Variants in NCAN observed in about 807,000 individuals in gnomAD.
The protein encoded by NCAN is neurocan core protein.
In NCAN, 47 loss-of-function variants were observed where a neutral mutation model predicts 121.8. The ratio of observed to expected loss-of-function variants is 0.39; its 90% CI spans 0.31 to 0.49. The LOEUF (loss-of-function observed/expected upper bound fraction) is 0.49, where lower values mean the gene tolerates loss of function less well. NCAN is among the 20% of genes least tolerant of loss of function. NCAN has a pLI of 0.92. For synonymous variants in NCAN, 633 were observed against 702.0 expected (o/e 0.90, Z 1.55); for missense variants, 1,517 against 1,773.4 (o/e 0.86, Z 2.60).
At position 19,226,972 on chromosome 19, in the gene NCAN, T is replaced by C; in HGVS notation, c.1559T>C (p.Met520Thr). Residue 520 changes from methionine (M) to threonine (T), a missense_variant, in exon 7 of 15, where the codon ATG (methionine) becomes ACG (threonine). By Grantham distance (81) the Met-to-Thr change is moderately conservative (BLOSUM62 -1). Transcript: ENST00000252575. The part of the protein sequence containing the change: ...PPTSEAAVNQ[M>T]EPPLAMAVTE... ...ACCTCAGAGGCTGCAGTGAACCAAA[T>C]GGAGCCTCCGTTGGCCATGGCAGTC... The C allele has an allele frequency of 1.3e-6, 2 of 1,544,546 alleles. No homozygotes were observed. The highest frequency in any genetic ancestry group is 1.7e-6 in the Non-Finnish European group (2 of 1,146,500).
chr19:19,230,114 G>C (rs1267579130), intron 8 of NCAN, among the ~76,000 whole-genome samples: 2 of 150,404 alleles, frequency 1.3e-5, no homozygotes, highest in East Asian at 3.9e-4. Flanking sequence ...GTGTGATCTC[G>C]GCGCACTGCA....
chr19:19,227,162 G>A lies in NCAN; in HGVS notation c.1660+89G>A. On this transcript the variant is annotated intron_variant, in intron 7 of 14. Coordinates refer to ENST00000252575, the MANE Select transcript of NCAN (RefSeq NM_004386.3). This position sits in a 1 kb window ranked among gnomAD's most constrained non-coding sequence, Gnocchi z 4.2. Reference sequence around the variant, plus strand: ...CATGGCTACACTCAGAATGAGGGAGGAAGCTCCAAATCCCAGCTGGGTCCT... The same window carrying A: ...CATGGCTACACTCAGAATGAGGGAGAAAGCTCCAAATCCCAGCTGGGTCCT... 1 of 1,490,756 alleles carries A rather than the reference G, an allele frequency of 6.7e-7. No individual in the cohort carries two copies. The highest frequency in any genetic ancestry group is 8.9e-7 in the Non-Finnish European group (1 of 1,121,714). 92.3% of individuals were successfully genotyped at this position (1,490,756 alleles called of 1,614,324 possible).
chr19:19,240,461 T>G (rs1017678964), intron 11 of NCAN, 142 bp from the exon 12 acceptor site: 16 of 722,088 alleles, frequency 2.2e-5, no homozygotes, highest in Non-Finnish European at 2.9e-5. Flanking sequence ...TCTAGATCTT[T>G]CCCCCCACCC....
rs1178945644 is a variant in NCAN, at chr19:19,227,353, G to A, written c.1733G>A (p.Gly578Asp). The change falls in exon 8 of 15, where the codon GGC becomes GAC. Residue 578 changes from glycine to aspartate, a missense_variant. Physicochemically the swap from Gly to Asp is moderately conservative, Grantham distance 94. Coordinates refer to ENST00000252575, the MANE Select transcript of NCAN (RefSeq NM_004386.3). This position sits in a 1 kb window ranked among gnomAD's most constrained non-coding sequence, Gnocchi z 4.2. ...PPTMVPPSIS[G>D]HSRAPVLELE... ...ACCATGGTCCCACCCAGCATCTCAG[G>A]CCACAGCAGGGCCCCTGTCCTGGAG... 6 of 1,612,704 alleles carry A rather than the reference G, an allele frequency of 3.7e-6. No individual in the cohort carries two copies. The highest frequency in any genetic ancestry group is 3.3e-5 in the Admixed American group (2 of 59,894).
At position 19,245,474 on chromosome 19, in the gene NCAN, GCTT is replaced by G; in HGVS notation, c.3637+21_3637+23del. ...AGGGCACAGGTATGCTGTGCCCCCT[GCTT>G]CTTTTCCTCTCTGTCACTTTTGCTC... On this transcript the variant is annotated intron_variant, in intron 13 of 14. Transcript: ENST00000252575. 1 of 1,607,764 alleles carries G rather than the reference GCTT, an allele frequency of 6.2e-7. No homozygotes were observed. The highest frequency in any genetic ancestry group is 8.5e-7 in the Non-Finnish European group (1 of 1,176,196).
intron 12 of NCAN, among the ~76,000 whole-genome samples, chr19:19,244,088 A>G (rs1200133442): frequency 1.3e-5 from 2 of 152,200 alleles, no homozygotes; most frequent in Non-Finnish European, 2.9e-5. Context: ...ATTTTGCGCT[A>G]TATATATTTT....
chr19:19,248,612 G>A (rs530773086), intron 13 of NCAN, 88 bp from the exon 14 acceptor site: 8 of 1,376,616 alleles, frequency 5.8e-6, no homozygotes, highest in African/African-American at 1.4e-5. Context: ...GTGACAGAGC[G>A]AAACTCTGTC....
chr19:19,237,281 G>C (rs1297829875), intron 10 of NCAN, among the ~76,000 whole-genome samples: 2 of 152,032 alleles, frequency 1.3e-5, no homozygotes, highest in African/African-American at 2.4e-5. Flanking sequence ...GATCATGTCA[G>C]GAGATCAAGA....
At chr19:19,232,402 T>G (rs1245566608) in intron 8 of NCAN, among the ~76,000 whole-genome samples, 1 of 152,234 alleles carries the variant, frequency 6.6e-6, no homozygotes, top group East Asian at 1.9e-4. Context: ...GGCTCATGTG[T>G]CCCGCCGCCT....
chr19:19,226,788 G>C lies in NCAN; in HGVS notation c.1375G>C (p.Gly459Arg), dbSNP rs1195447773. Residue 459 changes from glycine to arginine, a missense_variant, in exon 7 of 15, where the codon GGG becomes CGG. Physicochemically the swap from Gly to Arg is moderately radical, Grantham distance 125 (BLOSUM62 -2). Coordinates refer to ENST00000252575, the MANE Select transcript of NCAN (RefSeq NM_004386.3). ...GGTGGCCCCCAGCCCTAGCGACATG[G>C]GGGCAGGCACTGCAGCAAGTTCACA... ...STVAPSPSDM[G>R]AGTAASSHTE... The C allele has an allele frequency of 1.9e-6, 3 of 1,613,304 alleles. No individual in the cohort carries two copies. The highest frequency in any genetic ancestry group is 2.5e-6 in the Non-Finnish European group (3 of 1,179,976).
Position 19,234,887 on chromosome 19 carries a change from G to A in NCAN, c.3137-96G>A, listed in dbSNP as rs1030849344. Reference sequence around the variant, plus strand: ...GCTGCACTTAGGTCCAGGATGGATGGTAGGACCATGACCCCATCTTCTGCT... The same window carrying A: ...GCTGCACTTAGGTCCAGGATGGATGATAGGACCATGACCCCATCTTCTGCT... On this transcript the variant is annotated intron_variant, in intron 9 of 14. Coordinates refer to ENST00000252575, the MANE Select transcript of NCAN (RefSeq NM_004386.3). The A allele has an allele frequency of 8.8e-6, 6 of 678,324 alleles. 1 individual carries two copies. In the African/African-American group the frequency reaches 8.8e-5, roughly 10 times the overall value. 42.0% of individuals were successfully genotyped at this position (678,324 alleles called of 1,614,324 possible).
At chr19:19,220,737 C>A (rs1012968143) in intron 3 of NCAN, among the ~76,000 whole-genome samples, 60 of 152,200 alleles carry the variant, frequency 3.9e-4, no homozygotes, top group African/African-American at 1.4e-3. Context: ...GATTACCAGG[C>A]ATGAGCCACC....
intron 11 of NCAN, among the ~76,000 whole-genome samples, chr19:19,239,171 C>T (rs17215684): frequency 0.077 from 11,681 of 152,150 alleles, 685 homozygotes; most frequent in Admixed American, 0.17. Context: ...CAACAGTGCC[C>T]GGGTTTACTC....
At chr19:19,215,415 A>G (rs1295838687) in intron 1 of NCAN, among the ~76,000 whole-genome samples, 2 of 152,186 alleles carry the variant, frequency 1.3e-5, no homozygotes, top group African/African-American at 4.8e-5. Flanking sequence ...AGTCTCTGGA[A>G]CAATGTGAAG....
At chr19:19,238,117 A>G (rs577647903) in intron 10 of NCAN, 136 bp from the exon 11 acceptor site, 3 of 1,074,368 alleles carry the variant, frequency 2.8e-6, no homozygotes, top group African/African-American at 3.1e-5. Flanking sequence ...AGGAGGGGCC[A>G]GGCATGGGGA....
rs763902712 is a variant in NCAN at position 19,235,072 on chromosome 19, T to A, written c.3226T>A (p.Tyr1076Asn). 1.9e-6 allele frequency: 3 copies of A among 1,612,190 alleles called. No individual in the cohort carries two copies. In the Admixed American group the frequency reaches 5.0e-5, roughly 27 times the overall value. The change falls in exon 10 of 15, where the codon TAT becomes AAT. Residue 1076 changes from tyrosine to asparagine, a missense_variant. Tyr to Asn is a moderately radical substitution (Grantham distance 143). Coordinates refer to ENST00000252575, the MANE Select transcript of NCAN (RefSeq NM_004386.3). Reference sequence around the variant, plus strand: ...CTTTGTCTGCCTTTGCCTCCCCAGCTATGGGGGCAGCTTTTGTGAGAAAGG... The same window carrying A: ...CTTTGTCTGCCTTTGCCTCCCCAGCAATGGGGGCAGCTTTTGTGAGAAAGG... ...NGFVCLCLPS[Y>N]GGSFCEKDTE...
chr19:19,242,338 A>G lies in NCAN; in HGVS notation c.3492+1653A>G, dbSNP rs565559373. On this transcript the variant is annotated intron_variant, in intron 12 of 14. Coordinates refer to ENST00000252575, the MANE Select transcript of NCAN (RefSeq NM_004386.3). The stretch of plus-strand genomic sequence containing the variant: ...CAGGAGGTTGAGGCTCCAGTGAGCT[A>G]TGATTGCACCACTGCACTCCAGCCT... 7.2e-5 allele frequency among the ~76,000 whole-genome samples: 11 copies of G among 152,206 alleles called. No homozygotes were observed. In the South Asian group the frequency reaches 1.7e-3, roughly 23 times the overall value.
Position 19,249,918 on chromosome 19 carries a change from A to G in NCAN, c.*7A>G, listed in dbSNP as rs2060940619. ...CGAAGGGAATTTCTGCTGAAGAACC[A>G]GAAAAAAGAAAGCACAACACCTTTC... On this transcript the variant is annotated 3_prime_UTR_variant, in exon 15 of 15. Transcript: ENST00000252575. The G allele has an allele frequency of 6.2e-7, 1 of 1,610,952 alleles. No homozygotes were observed. Among genetic ancestry groups the G allele is most frequent in the African/African-American group, 1.3e-5 (1 of 74,790 alleles).
At chr19:19,249,053 G>A in intron 14 of NCAN, 171 bp downstream of exon 14, 1 of 402,346 alleles carries the variant, frequency 2.5e-6, no homozygotes, top group Non-Finnish European at 4.2e-6. Context: ...ATTTGTGTGT[G>A]TGTGTGTGTG....
Sources: allele counts gnomAD v4.1 joint callset (sites outside exome capture counted in the v4.1 genomes callset), GRCh38; gene constraint gnomAD v4.1.1; non-coding constraint Gnocchi (gnomAD v3.1); transcripts MANE v1.5; gene names NCBI Gene and HGNC (gene_info 2026-07-23, HGNC 2026-07-21).